PTPRJ: variants seen among roughly 807,000 people sequenced by gnomAD.
PTPRJ encodes protein tyrosine phosphatase receptor type J, also known as receptor-type tyrosine-protein phosphatase eta.
Under a neutral mutation model 141.3 loss-of-function variants are expected in PTPRJ, and 129 were observed. The ratio of observed to expected loss-of-function variants is 0.91; its 90% CI spans 0.79 to 1.06. The LOEUF (loss-of-function observed/expected upper bound fraction) is 1.06. Ranked by LOEUF, PTPRJ falls within the 50% of genes least tolerant of loss-of-function variation. The probability of loss-of-function intolerance (pLI) is 0.00; values close to 1 mark genes in which losing one functional copy is unlikely to be tolerated. For synonymous variants in PTPRJ, 610 were observed against 640.5 expected, an observed-to-expected ratio of 0.95 and a Z score of 0.72; for missense variants, 1,601 against 1,679.7, an observed-to-expected ratio of 0.95 and a Z score of 0.82.
intron 1 of PTPRJ, among the ~76,000 whole-genome samples, chr11:48,004,445 T>C (rs1252179189): frequency 6.6e-6 from 1 of 152,194 alleles, no homozygotes; most frequent in Non-Finnish European, 1.5e-5. Context: ...GTTACTGTTG[T>C]CCTGAGGAGT....
chr11:48,002,136 ATTTT>A (rs36029619), intron 1 of PTPRJ, among the ~76,000 whole-genome samples: 6 of 130,384 alleles, frequency 4.6e-5, no homozygotes, highest in African/African-American at 1.9e-4. Context: ...TCCTATTTAA[ATTTT>A]TTTTTTTTTT....
intron 1 of PTPRJ, among the ~76,000 whole-genome samples, chr11:48,095,765 G>A (rs1234024997): frequency 6.6e-6 from 1 of 152,102 alleles, no homozygotes; most frequent in Non-Finnish European, 1.5e-5. Context: ...ATTTTTAGTA[G>A]AGACAGGGTT....
intron 1 of PTPRJ, among the ~76,000 whole-genome samples, chr11:48,031,148 A>C (rs571931811): frequency 5.8e-4 from 89 of 152,320 alleles, no homozygotes; most frequent in African/African-American, 1.8e-3. Flanking sequence ...TGGTGAATAG[A>C]TTCCTAGCCT....
In PTPRJ at chr11:48,144,680, C is replaced by A; in HGVS notation, c.2581C>A (p.His861Asn). 1 of 1,613,180 alleles carries A rather than the reference C, an allele frequency of 6.2e-7. No individual in the cohort carries two copies. Among genetic ancestry groups the A allele is most frequent in the South Asian group, 1.1e-5 (1 of 90,942 alleles). The change falls in exon 13 of 25, where the codon CAC becomes AAC. Residue 861 changes from histidine (H) to asparagine (N), a missense_variant. By Grantham distance (68) the His-to-Asn change is moderately conservative. Transcript: ENST00000418331. Reference protein sequence around the residue: ...AVILTTGEAGHPSADVLKYTY... With the variant: ...AVILTTGEAGNPSADVLKYTY... ...CTTCTGTGTACCTTTCTTAGCTGGTCACCCTTCTGCAGATGTCCTGAAATA... is the reference window on the plus strand; with the variant it reads ...CTTCTGTGTACCTTTCTTAGCTGGTAACCCTTCTGCAGATGTCCTGAAATA...
Position 48,112,854 on chromosome 11 carries a change from G to A in PTPRJ, c.223G>A (p.Gly75Arg). 6.2e-7 allele frequency: 1 copy of A among 1,614,194 alleles called. No individual in the cohort carries two copies. Among genetic ancestry groups the A allele is most frequent in the Non-Finnish European group, 8.5e-7 (1 of 1,180,036 alleles). ...ATCCTTTCATAAACAGAATGGAACT[G>A]GAACACCTCAGGTGGAAACAAACAC... is the stretch of plus-strand genomic sequence containing the variant. ...AESFHKQNGT[G>R]TPQVETNTSE... Residue 75 changes from glycine to arginine, a missense_variant, in exon 3 of 25, where the codon GGA becomes AGA. Physicochemically the swap from Gly to Arg is moderately radical, Grantham distance 125 (BLOSUM62 -2). Transcript: ENST00000418331.
intron 21 of PTPRJ, among the ~76,000 whole-genome samples, chr11:48,159,161 G>GTGTGTA (rs60389100): frequency 0.061 from 7,995 of 130,510 alleles, 543 homozygotes; most frequent in East Asian, 0.13. Context: ...GTGTGTGTGT[G>GTGTGTA]GTCATTTGCC....
intron 4 of PTPRJ, 69 bp from the exon 5 acceptor site, chr11:48,123,544 C>G: frequency 6.7e-7 from 1 of 1,501,408 alleles, no homozygotes. Context: ...GCACTGAACC[C>G]CAGTCATTCT....
intron 21 of PTPRJ, among the ~76,000 whole-genome samples, chr11:48,156,702 T>G (rs1020606114): frequency 4.0e-5 from 6 of 151,412 alleles, no homozygotes; most frequent in African/African-American, 1.5e-4. Context: ...CCCTCCCACT[T>G]CAGCCTCCTG....
intron 21 of PTPRJ, among the ~76,000 whole-genome samples, chr11:48,159,171 C>T (rs1282688477): frequency 4.7e-5 from 1 of 21,140 alleles, no homozygotes; most frequent in East Asian, 2.4e-3. Context: ...GGTCATTTGC[C>T]AAATGGGTAT....
intron 1 of PTPRJ, among the ~76,000 whole-genome samples, chr11:48,081,786 A>G (rs1855566586): frequency 6.6e-6 from 1 of 152,160 alleles, no homozygotes; most frequent in South Asian, 2.1e-4. Flanking sequence ...GGGCAGCATC[A>G]TAAAGCTTCT....
intron 1 of PTPRJ, among the ~76,000 whole-genome samples, chr11:48,075,597 T>TTG (rs374518540): frequency 1.8e-4 from 27 of 151,066 alleles, no homozygotes; most frequent in South Asian, 6.3e-4. Flanking sequence ...TAAATTTTTT[T>TTG]TGTGTGTGTG....
chr11:48,094,205 T>C (rs1855944955), intron 1 of PTPRJ, among the ~76,000 whole-genome samples: 1 of 152,224 alleles, frequency 6.6e-6, no homozygotes, highest in Admixed American at 6.5e-5. Context: ...CCAAGTACAA[T>C]GTTCCCCTGA....
At chr11:48,052,274 G>A (rs1398297469) in intron 1 of PTPRJ, among the ~76,000 whole-genome samples, 1 of 152,244 alleles carries the variant, frequency 6.6e-6, no homozygotes. Flanking sequence ...GTGAGTTTGT[G>A]CTGGGAGCAT....
chr11:48,083,205 C>T (rs1458692480), intron 1 of PTPRJ, among the ~76,000 whole-genome samples: 1 of 152,152 alleles, frequency 6.6e-6, no homozygotes, highest in Non-Finnish European at 1.5e-5. Context: ...GTGGGTGGAT[C>T]ACCTGAGATC....
chr11:48,027,271 T>G (rs1853842751), intron 1 of PTPRJ, among the ~76,000 whole-genome samples: 1 of 150,984 alleles, frequency 6.6e-6, no homozygotes, highest in Admixed American at 6.6e-5. Context: ...CCTCCCAAAG[T>G]GCTGGGATTA....
At chr11:48,111,333 T>G (rs7113840) in intron 2 of PTPRJ, among the ~76,000 whole-genome samples, 2 of 141,122 alleles carry the variant, frequency 1.4e-5, no homozygotes, top group Non-Finnish European at 3.0e-5. Flanking sequence ...GGTAGTTTTT[T>G]AAAAAATGTA....
chr11:48,068,783 G>A (rs61914733), intron 1 of PTPRJ, among the ~76,000 whole-genome samples: 2 of 152,194 alleles, frequency 1.3e-5, no homozygotes, highest in Non-Finnish European at 2.9e-5. Flanking sequence ...CCAGGAGCAT[G>A]GGCTGGGTCC....
chr11:48,116,413 T>A lies in PTPRJ; in HGVS notation c.352+3430T>A, dbSNP rs371720945. Among the ~76,000 whole-genome samples, 10 of 152,346 alleles carry A rather than the reference T, an allele frequency of 6.6e-5. No individual in the cohort carries two copies. In the East Asian group the frequency reaches 1.5e-3, roughly 23 times the overall value. ...TATATGCACCCAGCATTGGAATGCC[T>A]AAATATATAAAGCAAATATTAATGG... On this transcript the variant is annotated intron_variant, in intron 3 of 24. Transcript: ENST00000418331.
At chr11:48,117,110 G>A (rs75769982) in intron 3 of PTPRJ, among the ~76,000 whole-genome samples, 3,158 of 152,156 alleles carry the variant, frequency 0.021, 112 homozygotes, top group African/African-American at 0.072. Context: ...ACAATCAATG[G>A]GTCAGTGAAG....
Sources: gnomAD v4.1 joint callset for allele counts (sites outside exome capture counted in the v4.1 genomes callset) on GRCh38, gnomAD v4.1.1 for gene constraint, MANE v1.5 for transcripts, NCBI Gene and HGNC (gene_info 2026-07-23, HGNC 2026-07-21) for gene names.